The following FRMD4A variants were observed in gnomAD, a reference collection of about 807,000 sequenced individuals.
FRMD4A encodes FERM domain-containing protein 4A.
In FRMD4A, 29 loss-of-function variants were observed where a neutral mutation model predicts 129.1. The ratio of observed to expected loss-of-function variants is 0.22; its 90% CI spans 0.17 to 0.31. FRMD4A has a LOEUF of 0.31. Among genes scored for constraint, FRMD4A ranks in the 10% least tolerant of loss-of-function variants. The probability of loss-of-function intolerance (pLI) is 1.00; values close to 1 mark genes in which losing one functional copy is unlikely to be tolerated. For missense variants in FRMD4A, 1,272 were observed against 1,375.8 expected, an observed-to-expected ratio of 0.92 and a Z score of 1.19; for synonymous variants, 634 against 571.6, an observed-to-expected ratio of 1.11 and a Z score of -1.56.
intron 3 of FRMD4A, among the ~76,000 whole-genome samples, chr10:13,841,041 G>T (rs1204175480): frequency 1.3e-5 from 2 of 152,130 alleles, no homozygotes; most frequent in Non-Finnish European, 2.9e-5. Flanking sequence ...CCAGGAGGTT[G>T]AACCTGCAGT....
chr10:14,256,598 A>C (rs575637873), intron 2 of FRMD4A, among the ~76,000 whole-genome samples: 1 of 152,354 alleles, frequency 6.6e-6, no homozygotes, highest in East Asian at 1.9e-4. Flanking sequence ...ATTGGCCCTA[A>C]CATACATGCT....
chr10:13,996,053 G>T (rs1041680728), intron 2 of FRMD4A, among the ~76,000 whole-genome samples: 7 of 152,054 alleles, frequency 4.6e-5, no homozygotes, highest in African/African-American at 1.7e-4. Flanking sequence ...AGGCAGATTC[G>T]GTGCCTGGGG....
At chr10:13,666,904 T>C (rs1453817839) in intron 17 of FRMD4A, among the ~76,000 whole-genome samples, 1 of 131,924 alleles carries the variant, frequency 7.6e-6, no homozygotes, top group Non-Finnish European at 1.5e-5. Flanking sequence ...AGCTTTTCTT[T>C]TCTTTTCTTT....
chr10:13,855,521 C>G (rs1446576069), intron 3 of FRMD4A, among the ~76,000 whole-genome samples: 1 of 152,150 alleles, frequency 6.6e-6, no homozygotes, highest in Non-Finnish European at 1.5e-5. Flanking sequence ...ATGTTACAAA[C>G]CTTGTCAGGT....
intron 2 of FRMD4A, among the ~76,000 whole-genome samples, chr10:13,988,649 T>C (rs1334321634): frequency 6.6e-6 from 1 of 152,166 alleles, no homozygotes; most frequent in Non-Finnish European, 1.5e-5. Context: ...TAGATACCGA[T>C]GGATAGATAC....
intron 15 of FRMD4A, among the ~76,000 whole-genome samples, chr10:13,682,687 G>A (rs1230426639): frequency 6.6e-6 from 1 of 151,858 alleles, no homozygotes; most frequent in Non-Finnish European, 1.5e-5. Context: ...TTTTAGTAGA[G>A]ATGGGGTTAG....
rs2091505026 is a variant in FRMD4A at position 13,750,072 on chromosome 10, GAAA to G, written c.465-2256_465-2254del. Reference sequence around the variant, plus strand: ...AGGAAGGAAGGAAGGAAGGAAGGAAGAAAGAAAGAAAGAAAGAAAGAAAGAAAG... The same window carrying G: ...AGGAAGGAAGGAAGGAAGGAAGGAAGGAAAGAAAGAAAGAAAGAAAGAAAG... On this transcript the variant is annotated intron_variant, in intron 8 of 24. Transcript: ENST00000357447. Among the ~76,000 whole-genome samples, 274 of 67,632 alleles carry G rather than the reference GAAA, an allele frequency of 4.1e-3. 2 individuals carry two copies. The highest frequency in any genetic ancestry group is 0.011 in the African/African-American group (240 of 21,048). 44.4% of individuals were successfully genotyped at this position (67,632 alleles called of 152,430 possible).
intron 12 of FRMD4A, among the ~76,000 whole-genome samples, chr10:13,731,622 C>T (rs899351808): frequency 5.7e-5 from 8 of 141,112 alleles, no homozygotes; most frequent in East Asian, 2.1e-4. Flanking sequence ...GCACTCCAGC[C>T]TGGGCAACAA....
At chr10:13,914,107 G>A (rs1043893202) in intron 2 of FRMD4A, among the ~76,000 whole-genome samples, 6 of 152,200 alleles carry the variant, frequency 3.9e-5, no homozygotes, top group African/African-American at 1.2e-4. Context: ...AGAGGAAGGC[G>A]CGGGCAGATG....
At chr10:13,690,342 G>A (rs1225160940) in intron 15 of FRMD4A, among the ~76,000 whole-genome samples, 4 of 152,228 alleles carry the variant, frequency 2.6e-5, no homozygotes, top group African/African-American at 4.8e-5. Flanking sequence ...TCCAGATGGC[G>A]CTGCCAATGC....
intron 8 of FRMD4A, among the ~76,000 whole-genome samples, chr10:13,755,882 G>A (rs928155644): frequency 3.3e-5 from 5 of 152,116 alleles, no homozygotes; most frequent in Admixed American, 1.3e-4. Context: ...TTTTCCTTTG[G>A]TGGCTATGTT....
chr10:13,665,277 T>C (rs1185065206), intron 18 of FRMD4A, among the ~76,000 whole-genome samples: 4 of 152,050 alleles, frequency 2.6e-5, no homozygotes, highest in Non-Finnish European at 2.9e-5. Flanking sequence ...TATTTTCATG[T>C]TTCCAGACTG....
intron 2 of FRMD4A, among the ~76,000 whole-genome samples, chr10:13,985,301 C>T (rs927562787): frequency 6.6e-6 from 1 of 152,166 alleles, no homozygotes; most frequent in Non-Finnish European, 1.5e-5. Flanking sequence ...ACCCTGGAGC[C>T]TTGGTGGTAA....
intron 2 of FRMD4A, among the ~76,000 whole-genome samples, chr10:13,986,271 G>T: frequency 6.6e-6 from 1 of 151,390 alleles, no homozygotes; most frequent in Admixed American, 6.6e-5. Context: ...TGATAGACTG[G>T]ATTAAGAAAA....
At chr10:13,691,745 G>C (rs1440883615) in intron 15 of FRMD4A, among the ~76,000 whole-genome samples, 1 of 152,196 alleles carries the variant, frequency 6.6e-6, no homozygotes, top group Non-Finnish European at 1.5e-5. Context: ...CCTGTGCTAA[G>C]GGGGAAGGTG....
At chr10:13,946,913 A>T (rs914643902) in intron 2 of FRMD4A, among the ~76,000 whole-genome samples, 2 of 152,174 alleles carry the variant, frequency 1.3e-5, no homozygotes, top group Admixed American at 6.5e-5. Context: ...GGCACAAAGA[A>T]GAGGAAGGCA....
intron 14 of FRMD4A, among the ~76,000 whole-genome samples, chr10:13,699,414 A>C (rs17153774): frequency 0.17 from 26,006 of 151,846 alleles, 3,107 homozygotes; most frequent in East Asian, 0.34. Context: ...TGTGTCAGTG[A>C]GTTGACCTGT....
At chr10:13,926,396 T>C (rs1226205236) in intron 2 of FRMD4A, among the ~76,000 whole-genome samples, 2 of 152,222 alleles carry the variant, frequency 1.3e-5, no homozygotes, top group Admixed American at 6.5e-5. Context: ...TCATTGTCTA[T>C]TCCCTTTTGT....
rs1207471495 is a variant in FRMD4A at position 13,714,059 on chromosome 10, T to TATATATATATATATATATATATATATAA, written c.760-6947_760-6946insTTATATATATATATATATATATATATAT. ...ATATATATATATATATATATATATA[T>TATATATATATATATATATATATATATAA]AAAATATACTTTTTTTTTGAGACAC... On this transcript the variant is annotated intron_variant, in intron 12 of 24. Transcript: ENST00000357447. 8.2e-4 allele frequency among the ~76,000 whole-genome samples: 83 copies of TATATATATATATATATATATATATATAA among 101,286 alleles called. 2 individuals are homozygous for TATATATATATATATATATATATATATAA. The highest frequency in any genetic ancestry group is 1.1e-3 in the Non-Finnish European group (54 of 49,452). The allele number at this position is 101,286 out of a possible 152,430, so 66.4% of individuals were successfully genotyped here.
Sources: gnomAD v4.1 joint callset for allele counts (sites outside exome capture counted in the v4.1 genomes callset) on GRCh38, gnomAD v4.1.1 for gene constraint, MANE v1.5 for transcripts, NCBI Gene and HGNC (gene_info 2026-07-23, HGNC 2026-07-21) for gene names.